Variants in LRP1B observed in about 807,000 individuals in gnomAD.
LRP1B encodes low-density lipoprotein receptor-related protein 1B.
A neutral mutation model predicts 556.6 loss-of-function variants in LRP1B; 217 were observed. That is an observed-to-expected ratio of 0.39 (90% CI 0.35 to 0.44). The LOEUF is 0.44. Among genes scored for constraint, LRP1B ranks in the 20% least tolerant of loss-of-function variants. The probability of loss-of-function intolerance (pLI) is 1.00; values close to 1 mark genes in which losing one functional copy is unlikely to be tolerated. For synonymous variants in LRP1B, 2,047 were observed against 1,865.8 expected, an observed-to-expected ratio of 1.10 and a Z score of -2.50; for missense variants, 5,053 against 5,620.8, an observed-to-expected ratio of 0.90 and a Z score of 3.23.
At chr2:140,821,485 A>G (rs931760004) in intron 31 of LRP1B, among the ~76,000 whole-genome samples, 2 of 152,216 alleles carry the variant, frequency 1.3e-5, no homozygotes, top group East Asian at 3.9e-4. Context: ...GTATATATCA[A>G]TAACAGAAAT....
chr2:140,582,075 C>T (rs988408656), intron 43 of LRP1B, among the ~76,000 whole-genome samples: 6 of 152,016 alleles, frequency 3.9e-5, no homozygotes, highest in African/African-American at 9.7e-5. Flanking sequence ...AGAACATGGT[C>T]GTGACACACA....
chr2:141,190,800 CT>C (rs1187474160), intron 6 of LRP1B, among the ~76,000 whole-genome samples: 1 of 151,896 alleles, frequency 6.6e-6, no homozygotes, highest in Non-Finnish European at 1.5e-5. Context: ...GAGTGACAAG[CT>C]TATGAACAGT....
At chr2:141,235,251 A>G (rs1683609030) in intron 5 of LRP1B, among the ~76,000 whole-genome samples, 1 of 152,060 alleles carries the variant, frequency 6.6e-6, no homozygotes, top group Non-Finnish European at 1.5e-5. Flanking sequence ...ATTTTAATTA[A>G]TTAATTAATT....
intron 11 of LRP1B, among the ~76,000 whole-genome samples, chr2:141,032,686 T>C (rs1698406274): frequency 1.3e-5 from 2 of 152,048 alleles, no homozygotes; most frequent in East Asian, 1.9e-4. Context: ...TTCATAATCA[T>C]TGTTTTCTGT....
rs181673496 is a variant in LRP1B at position 140,578,684 on chromosome 2, T to C, written c.7194+19947A>G. Among the ~76,000 whole-genome samples, 925 of 152,162 alleles carry C rather than the reference T, an allele frequency of 6.1e-3. 8 individuals are homozygous for C. The highest frequency in any genetic ancestry group is 7.8e-3 in the Non-Finnish European group (528 of 68,026). On this transcript the variant is annotated intron_variant, in intron 43 of 90. Coordinates refer to ENST00000389484, the MANE Select transcript of LRP1B (RefSeq NM_018557.3). Reference sequence around the variant, plus strand: ...GCAGCACACCAACATGGCACATGTATACATATGTAACAAACCTGCACGTAG... The same window carrying C: ...GCAGCACACCAACATGGCACATGTACACATATGTAACAAACCTGCACGTAG...
chr2:141,300,609 T>A (rs1686354202), intron 3 of LRP1B, among the ~76,000 whole-genome samples: 1 of 152,200 alleles, frequency 6.6e-6, no homozygotes, highest in Admixed American at 6.5e-5. Context: ...AACATCCCCC[T>A]TGGTGCTATC....
At chr2:141,133,759 T>C (rs910843307) in intron 7 of LRP1B, among the ~76,000 whole-genome samples, 11 of 152,144 alleles carry the variant, frequency 7.2e-5, no homozygotes, top group Non-Finnish European at 4.4e-5. Flanking sequence ...TATATGTATG[T>C]TGCATTAGTG....
At chr2:142,082,651 G>A (rs1338870848) in intron 1 of LRP1B, among the ~76,000 whole-genome samples, 1 of 152,188 alleles carries the variant, frequency 6.6e-6, no homozygotes, top group Admixed American at 6.5e-5. Context: ...CATCAGGCCT[G>A]TGACACCAGA....
At chr2:140,462,751 C>T (rs1235969277) in intron 60 of LRP1B, among the ~76,000 whole-genome samples, 6 of 152,270 alleles carry the variant, frequency 3.9e-5, no homozygotes, top group South Asian at 2.1e-4. Flanking sequence ...TAATATTTCT[C>T]ATATTTTTTT....
rs1376664455 is a variant in LRP1B, at chr2:140,841,064, C to T, written c.4968G>A (p.Val1656=). The T allele has an allele frequency of 1.2e-6, 2 of 1,611,712 alleles. No individual in the cohort carries two copies. Among genetic ancestry groups the T allele is most frequent in the Non-Finnish European group, 1.7e-6 (2 of 1,178,734 alleles). The change falls in exon 30 of 91, where the codon GTG becomes GTA. Residue 1656 remains valine, a synonymous_variant. Coordinates refer to ENST00000389484, the MANE Select transcript of LRP1B (RefSeq NM_018557.3). ...AGTATAAATTACGTGACACCCAATC[C>T]ACTGCTAGCCCTCTGATACTCTGAA... ...RDIQSIRGLA[V]DWVSRNLYWI...
At chr2:141,210,993 T>C (rs1682516630) in intron 6 of LRP1B, among the ~76,000 whole-genome samples, 1 of 152,086 alleles carries the variant, frequency 6.6e-6, no homozygotes, top group Non-Finnish European at 1.5e-5. Context: ...ATTTTTCCTA[T>C]TATTTGTTTA....
chr2:141,341,652 G>A (rs1403965975), intron 3 of LRP1B, among the ~76,000 whole-genome samples: 3 of 152,078 alleles, frequency 2.0e-5, no homozygotes. Flanking sequence ...ACTTAAGTAG[G>A]GACCATATAA....
intron 3 of LRP1B, among the ~76,000 whole-genome samples, chr2:141,375,891 G>T (rs1395160477): frequency 2.0e-5 from 3 of 152,124 alleles, no homozygotes. Flanking sequence ...ATCAGTGACT[G>T]CAGCCCCTTC....
At chr2:141,015,071 T>C (rs1252487382) in intron 13 of LRP1B, among the ~76,000 whole-genome samples, 5 of 152,172 alleles carry the variant, frequency 3.3e-5, no homozygotes, top group African/African-American at 1.2e-4. Flanking sequence ...TTGGTGTTAT[T>C]TGTAATTAGA....
At chr2:141,673,302 G>A (rs1347027588) in intron 2 of LRP1B, among the ~76,000 whole-genome samples, 1 of 152,166 alleles carries the variant, frequency 6.6e-6, no homozygotes, top group Non-Finnish European at 1.5e-5. Flanking sequence ...CTCTAAATGT[G>A]AGAAAGTCTG....
At chr2:141,971,201 T>C (rs1701722577) in intron 1 of LRP1B, among the ~76,000 whole-genome samples, 1 of 151,472 alleles carries the variant, frequency 6.6e-6, no homozygotes, top group Admixed American at 6.6e-5. Flanking sequence ...GTCCCAAATA[T>C]CAATTTTGTC....
At chr2:141,834,046 CAGTG>C (rs1697191702) in intron 1 of LRP1B, among the ~76,000 whole-genome samples, 6 of 151,714 alleles carry the variant, frequency 4.0e-5, no homozygotes, top group Admixed American at 3.9e-4. Flanking sequence ...GCAATCTCTC[CAGTG>C]AGTATTTCAA....
intron 2 of LRP1B, among the ~76,000 whole-genome samples, chr2:141,746,404 G>A (rs1390816563): frequency 5.9e-5 from 9 of 152,094 alleles, no homozygotes; most frequent in African/African-American, 1.9e-4. Flanking sequence ...GTTCAGCCCA[G>A]TTTTGCTTTC....
intron 3 of LRP1B, among the ~76,000 whole-genome samples, chr2:141,371,098 C>G (rs972444224): frequency 2.0e-5 from 3 of 152,152 alleles, no homozygotes; most frequent in African/African-American, 7.2e-5. Context: ...ATTCTCCTAC[C>G]TCAGCCTCCT....
Sources: gnomAD v4.1 joint callset for allele counts (sites outside exome capture counted in the v4.1 genomes callset) on GRCh38, gnomAD v4.1.1 for gene constraint, MANE v1.5 for transcripts, NCBI Gene and HGNC (gene_info 2026-07-23, HGNC 2026-07-21) for gene names.